Variants in CCSER2 observed in about 807,000 individuals in gnomAD.
CCSER2 encodes the protein coiled-coil serine rich protein 2.
CCSER2 carries 46 observed loss-of-function variants against 92.3 expected under a neutral mutation model. The observed-to-expected ratio is 0.50, with a 90% confidence interval of 0.39 to 0.64. The LOEUF is 0.64. Among genes scored for constraint, CCSER2 ranks in the 30% least tolerant of loss-of-function variants. The pLI, the probability that CCSER2 is intolerant of heterozygous loss-of-function variation, is 0.00. For synonymous variants in CCSER2, 433 were observed against 431.4 expected (o/e 1.00, Z -0.04); for missense variants, 1,244 against 1,238.9 (o/e 1.00, Z -0.06).
At chr10:84,491,199 G>A (rs979575985) in intron 9 of CCSER2, among the ~76,000 whole-genome samples, 7 of 152,236 alleles carry the variant, frequency 4.6e-5, no homozygotes, top group Admixed American at 4.6e-4. Flanking sequence ...GGACCCACTT[G>A]AGGAGGCAGT....
chr10:84,477,287 A>G (rs773880268), intron 8 of CCSER2, among the ~76,000 whole-genome samples: 59 of 152,182 alleles, frequency 3.9e-4, no homozygotes, highest in Non-Finnish European at 8.2e-4. Flanking sequence ...CACTCCCTGA[A>G]TAAGATGAGA....
At chr10:84,436,309 G>C (rs1299002621) in intron 5 of CCSER2, among the ~76,000 whole-genome samples, 1 of 107,248 alleles carries the variant, frequency 9.3e-6, no homozygotes, top group African/African-American at 4.0e-5. Context: ...CTGGGCGACA[G>C]AGCGAGACTC....
In CCSER2 at chr10:84,424,900, G is replaced by A. The variant is rs961682729; in HGVS notation, c.1706-831G>A. 3 of 667,450 alleles carry A rather than the reference G, an allele frequency of 4.5e-6. No homozygotes were observed. The African/African-American group carries it at 5.9e-5, about 13-fold the overall frequency. 41.3% of individuals were successfully genotyped at this position (667,450 alleles called of 1,614,324 possible). On this transcript the variant is annotated intron_variant, in intron 4 of 9. Transcript: ENST00000372088. Reference sequence around the variant, plus strand: ...GCAAACTGGGCTTGCTTCCCACAGGGAGGGCTGGGTTTTGAGCAGGAAGGA... The same window carrying A: ...GCAAACTGGGCTTGCTTCCCACAGGAAGGGCTGGGTTTTGAGCAGGAAGGA...
At chr10:84,355,485 C>G (rs1387161019) in intron 1 of CCSER2, among the ~76,000 whole-genome samples, 1 of 152,142 alleles carries the variant, frequency 6.6e-6, no homozygotes, top group Non-Finnish European at 1.5e-5. Context: ...TATGTTATCC[C>G]TCTCTCCCAG....
chr10:84,410,866 A>G (rs372042619), intron 3 of CCSER2, among the ~76,000 whole-genome samples: 1 of 152,176 alleles, frequency 6.6e-6, no homozygotes, highest in African/African-American at 2.4e-5. Context: ...GGTATTGCCT[A>G]GATTTTCTTC....
chr10:84,341,187 A>G (rs1230154691), intron 1 of CCSER2, among the ~76,000 whole-genome samples: 1 of 151,516 alleles, frequency 6.6e-6, no homozygotes, highest in Non-Finnish European at 1.5e-5. Context: ...GTGTGCCACC[A>G]TGCCCAGCTA....
chr10:84,444,510 G>A (rs1236099850), intron 6 of CCSER2, among the ~76,000 whole-genome samples: 3 of 152,130 alleles, frequency 2.0e-5, no homozygotes, highest in Non-Finnish European at 4.4e-5. Flanking sequence ...AAAGGGTGAG[G>A]CTCAGAAAAC....
At chr10:84,343,646 T>C (rs1202926614) in intron 1 of CCSER2, among the ~76,000 whole-genome samples, 1 of 152,222 alleles carries the variant, frequency 6.6e-6, no homozygotes, top group Non-Finnish European at 1.5e-5. Flanking sequence ...GAAGTAATTT[T>C]TACTTTTTAC....
intron 3 of CCSER2, among the ~76,000 whole-genome samples, chr10:84,411,380 A>G (rs1842642377): frequency 6.6e-6 from 1 of 152,168 alleles, no homozygotes. Flanking sequence ...GAATCTATAA[A>G]TTCGTTTCGG....
chr10:84,348,027 C>T (rs184851222), intron 1 of CCSER2, among the ~76,000 whole-genome samples: 139 of 152,292 alleles, frequency 9.1e-4, no homozygotes, highest in East Asian at 3.7e-3. Flanking sequence ...CAGGCAGAGA[C>T]GCTCGTCACT....
At chr10:84,397,534 A>G (rs10509495) in intron 3 of CCSER2, among the ~76,000 whole-genome samples, 8,863 of 152,316 alleles carry the variant, frequency 0.058, 368 homozygotes, top group Admixed American at 0.1. Context: ...TCTAACAAAA[A>G]GACTACACAT....
chr10:84,461,835 G>A (rs1346970332), intron 6 of CCSER2, among the ~76,000 whole-genome samples: 1 of 151,986 alleles, frequency 6.6e-6, no homozygotes, highest in Non-Finnish European at 1.5e-5. Context: ...TTTCTCCTCT[G>A]TTTAGATGTT....
At chr10:84,480,438 G>A (rs961123715) in intron 9 of CCSER2, among the ~76,000 whole-genome samples, 2 of 152,140 alleles carry the variant, frequency 1.3e-5, no homozygotes. Flanking sequence ...AATCTAATGT[G>A]AGTACAAAGA....
At chr10:84,513,428 T>C (rs1461260523) in intron 9 of CCSER2, 21 bp from the exon 10 acceptor site, 1 of 1,541,280 alleles carries the variant, frequency 6.5e-7, no homozygotes, top group Non-Finnish European at 8.8e-7. Flanking sequence ...TTGCTGCTAA[T>C]GTTGTTTTTA....
At chr10:84,497,576 G>A (rs1848519372) in intron 9 of CCSER2, among the ~76,000 whole-genome samples, 2 of 152,162 alleles carry the variant, frequency 1.3e-5, no homozygotes, top group South Asian at 4.1e-4. Flanking sequence ...ATTGACAGAT[G>A]CTACAGCTGC....
intron 5 of CCSER2, among the ~76,000 whole-genome samples, chr10:84,426,842 G>A (rs1843462845): frequency 6.6e-6 from 1 of 152,090 alleles, no homozygotes; most frequent in South Asian, 2.1e-4. Context: ...TAAAGGATGT[G>A]TTTTTTTCCT....
intron 1 of CCSER2, among the ~76,000 whole-genome samples, chr10:84,329,081 A>G (rs1028207629): frequency 2.6e-5 from 4 of 152,064 alleles, no homozygotes; most frequent in African/African-American, 7.2e-5. Context: ...GCCGCCTTTC[A>G]GGAGAAATCA....
intron 3 of CCSER2, among the ~76,000 whole-genome samples, chr10:84,410,288 G>T (rs1842585605): frequency 6.6e-6 from 1 of 152,208 alleles, no homozygotes; most frequent in East Asian, 1.9e-4. Context: ...CCAGTAATGG[G>T]ATTACTGGGT....
At chr10:84,499,208 T>C (rs909585452) in intron 9 of CCSER2, among the ~76,000 whole-genome samples, 1 of 152,176 alleles carries the variant, frequency 6.6e-6, no homozygotes, top group South Asian at 2.1e-4. Context: ...TCATCTCGGC[T>C]CACTGCAACC....
Sources: allele counts gnomAD v4.1 joint callset (sites outside exome capture counted in the v4.1 genomes callset), GRCh38; gene constraint gnomAD v4.1.1; transcripts MANE v1.5; gene names NCBI Gene and HGNC (gene_info 2026-07-23, HGNC 2026-07-21).